SETD3: variants seen among roughly 807,000 people sequenced by gnomAD.
SETD3 encodes actin-histidine N-methyltransferase.
SETD3 carries 19 observed loss-of-function variants against 63.0 expected under a neutral mutation model. The observed-to-expected ratio is 0.30, with a 90% CI of 0.21 to 0.44. SETD3 has a LOEUF of 0.44. SETD3 is among the 20% of genes least tolerant of loss of function. The probability of loss-of-function intolerance (pLI) is 1.00; values close to 1 mark genes in which losing one functional copy is unlikely to be tolerated. For synonymous variants in SETD3, 286 were observed against 264.1 expected (o/e 1.08, Z -0.80); for missense variants, 587 against 728.5 (o/e 0.81, Z 2.24).
chr14:99,451,072 A>G (rs1440054539), intron 6 of SETD3, among the ~76,000 whole-genome samples: 1 of 152,192 alleles, frequency 6.6e-6, no homozygotes, highest in Non-Finnish European at 1.5e-5. Flanking sequence ...TCATTCAACT[A>G]TGTTAAGGTA....
chr14:99,463,710 G>A (rs1895207647), intron 2 of SETD3, 132 bp from the exon 3 acceptor site: 4 of 675,110 alleles, frequency 5.9e-6, no homozygotes, highest in Non-Finnish European at 1.0e-5. Context: ...ACAGACATAT[G>A]ACAGCCATGA....
chr14:99,458,307 T>C lies in SETD3; in HGVS notation c.647A>G (p.Gln216Arg). Reference sequence around the variant, plus strand: ...GATGACTTTATAGAAGTAGGCGTACTGTCGAGCTGTGTTTTTATACTGGCT... The same window carrying C: ...GATGACTTTATAGAAGTAGGCGTACCGTCGAGCTGTGTTTTTATACTGGCT... Reference protein sequence around the residue: ...VFSQYKNTARQYAYFYKVIQT... With the variant: ...VFSQYKNTARRYAYFYKVIQT... Residue 216 changes from glutamine to arginine, a missense_variant, in exon 6 of 13, where the codon CAG (glutamine) becomes CGG (arginine). Transcript: ENST00000331768. 1 of 1,614,114 alleles carries C rather than the reference T, an allele frequency of 6.2e-7. No homozygotes were observed.
chr14:99,440,319 G>T (rs1292833390), intron 6 of SETD3, among the ~76,000 whole-genome samples: 1 of 152,148 alleles, frequency 6.6e-6, no homozygotes, highest in South Asian at 2.1e-4. Flanking sequence ...CCATTAACAC[G>T]TGACCAAGCT....
intron 6 of SETD3, among the ~76,000 whole-genome samples, chr14:99,455,313 C>T (rs1395459628): frequency 6.6e-6 from 1 of 152,244 alleles, no homozygotes; most frequent in Non-Finnish European, 1.5e-5. Flanking sequence ...ATCGCATTTT[C>T]AACATGCAAT....
In SETD3 at chr14:99,459,225, G is replaced by A. The variant is rs188751251; in HGVS notation, c.346-40C>T. 4,044 of 1,417,162 alleles carry A rather than the reference G, an allele frequency of 2.9e-3. 14 individuals carry two copies. The highest frequency in any genetic ancestry group is 3.6e-3 in the Non-Finnish European group (3,672 of 1,006,068). 87.8% of individuals were successfully genotyped at this position (1,417,162 alleles called of 1,614,324 possible). ...AATAATAGGAGAATCATCAAAACAC[G>A]GTACAGTCTTCAATCCAACCATATC... On this transcript the variant is annotated intron_variant, in intron 4 of 12. Transcript: ENST00000331768.
intron 6 of SETD3, among the ~76,000 whole-genome samples, chr14:99,457,934 G>T (rs957083212): frequency 1.3e-5 from 2 of 152,074 alleles, no homozygotes; most frequent in Non-Finnish European, 1.5e-5. Flanking sequence ...TCATTTTCTT[G>T]AAAAATTTAT....
intron 6 of SETD3, among the ~76,000 whole-genome samples, chr14:99,442,685 G>A (rs558787955): frequency 6.6e-6 from 1 of 152,302 alleles, no homozygotes; most frequent in South Asian, 2.1e-4. Flanking sequence ...TTGTAATACA[G>A]TATGTAATAC....
At chr14:99,459,028 A>G in intron 5 of SETD3, 85 bp downstream of exon 5, 1 of 936,980 alleles carries the variant, frequency 1.1e-6, no homozygotes, top group South Asian at 1.7e-5. Context: ...AGAAAAACCA[A>G]GTATTATCCT....
rs148633168 is a variant in SETD3, at chr14:99,424,661, A to AG, written c.676-10728dup. ...GGCCCCAGGGCTTCCCTTAGCTCTAAGGGGGGTCCCTTCCTCAGAGGGAGG... is the reference window on the plus strand; with the variant it reads ...GGCCCCAGGGCTTCCCTTAGCTCTAAGGGGGGGTCCCTTCCTCAGAGGGAGG... On this transcript the variant is annotated intron_variant, in intron 6 of 12. Coordinates refer to ENST00000331768, the MANE Select transcript of SETD3 (RefSeq NM_032233.3). 2.1e-3 allele frequency among the ~76,000 whole-genome samples: 325 copies of AG among 152,210 alleles called. 2 individuals carry two copies. Among genetic ancestry groups the AG allele is most frequent in the African/African-American group, 7.7e-3 (318 of 41,522 alleles).
In SETD3 at chr14:99,410,298, TCTG is replaced by T. The variant is rs764112760; in HGVS notation, c.849+2650_849+2652del. The T allele has an allele frequency of 2.5e-6, 4 of 1,604,582 alleles. No homozygotes were observed. The Admixed American group carries it at 5.1e-5, about 20-fold the overall frequency. Reference sequence around the variant, plus strand: ...GGGACAGGTTGTTCGGAGAGACTTGTCTGCTATTGTAAAAATGGGCTTTTGAGA... The same window carrying T: ...GGGACAGGTTGTTCGGAGAGACTTGTCTATTGTAAAAATGGGCTTTTGAGA... On this transcript the variant is annotated intron_variant, in intron 8 of 12. Coordinates refer to ENST00000331768, the MANE Select transcript of SETD3 (RefSeq NM_032233.3).
At chr14:99,478,708 C>A (rs1250861448) in intron 1 of SETD3, 1 of 152,112 alleles carries the variant, frequency 6.6e-6, no homozygotes, top group African/African-American at 2.4e-5. Context: ...AATATTCACT[C>A]CAAGCAAGCC....
At position 99,398,976 on chromosome 14, in the gene SETD3, CT is replaced by C; in HGVS notation, c.1487del (p.Lys496ArgfsTer28). 1 of 1,614,176 alleles carries C rather than the reference CT, an allele frequency of 6.2e-7. No individual in the cohort carries two copies. The highest frequency in any genetic ancestry group is 8.5e-7 in the Non-Finnish European group (1 of 1,180,020). On this transcript the variant is annotated frameshift_variant, in exon 13 of 13. Transcript: ENST00000331768. LOFTEE classifies it low-confidence loss of function (END_TRUNC). ...TCTCTTCATATTTGGGAAGCGGAGC[CT>C]TTTCCTCCATCTGTTGGCGATAGTA... ...REYYRQQMEE[K>X]APLPKYEESN...
chr14:99,455,033 CTAATTCCAAATTATATT>C (rs1405252257), intron 6 of SETD3, among the ~76,000 whole-genome samples: 4 of 152,378 alleles, frequency 2.6e-5, no homozygotes, highest in South Asian at 2.1e-4. Flanking sequence ...AGTAAAGCAA[CTAATTCCAAATTATATT>C]TAATTCCAAA....
At chr14:99,480,264 G>A (rs943391129) in intron 1 of SETD3, among the ~76,000 whole-genome samples, 1 of 152,062 alleles carries the variant, frequency 6.6e-6, no homozygotes, top group African/African-American at 2.4e-5. Context: ...GAAGGAAATG[G>A]GAGCGCGACC....
intron 8 of SETD3, chr14:99,410,322 T>C: frequency 6.6e-7 from 1 of 1,525,828 alleles, no homozygotes; most frequent in Middle Eastern, 1.7e-4. Flanking sequence ...AATGGGCTTT[T>C]GAGACTGTAA....
At chr14:99,404,754 C>T (rs1009373234) in intron 10 of SETD3, among the ~76,000 whole-genome samples, 7 of 152,174 alleles carry the variant, frequency 4.6e-5, no homozygotes, top group African/African-American at 1.7e-4. Context: ...ACTAATGAAT[C>T]CTAATTCCTG....
At chr14:99,482,264 G>A (rs1896357838), upstream of SETD3, among the ~76,000 whole-genome samples, 1 of 152,224 alleles carries the variant, frequency 6.6e-6, no homozygotes, top group Non-Finnish European at 1.5e-5. Flanking sequence ...ACTTGGTGAT[G>A]TTTGTGTATC....
At chr14:99,478,074 T>C (rs924482445) in intron 1 of SETD3, among the ~76,000 whole-genome samples, 5 of 152,210 alleles carry the variant, frequency 3.3e-5, no homozygotes, top group African/African-American at 9.6e-5. Flanking sequence ...TCTATGACTA[T>C]AGCAGGAGAG....
chr14:99,432,598 G>A (rs763123570), intron 6 of SETD3, among the ~76,000 whole-genome samples: 1 of 152,310 alleles, frequency 6.6e-6, no homozygotes, highest in Non-Finnish European at 1.5e-5. Context: ...CACAGATGTG[G>A]AATGACCAAG....
Sources: gnomAD v4.1 joint callset for allele counts (sites outside exome capture counted in the v4.1 genomes callset) on GRCh38, gnomAD v4.1.1 for gene constraint, MANE v1.5 for transcripts, NCBI Gene and HGNC (gene_info 2026-07-23, HGNC 2026-07-21) for gene names.